Variants in AOPEP observed in about 807,000 individuals in gnomAD.
The protein encoded by AOPEP is aminopeptidase O.
In AOPEP, 77 loss-of-function variants were observed where a neutral mutation model predicts 98.1. The ratio of observed to expected loss-of-function variants is 0.78; its 90% confidence interval spans 0.65 to 0.95. The LOEUF is 0.95. Among genes scored for constraint, AOPEP ranks in the 40% least tolerant of loss-of-function variants. The pLI is 0.00. For synonymous variants in AOPEP, 346 were observed against 365.3 expected (o/e 0.95, Z 0.60); for missense variants, 1,024 against 1,024.7 (o/e 1.00, Z 0.01).
chr9:94,862,677 G>A (rs906063998), intron 5 of AOPEP, among the ~76,000 whole-genome samples: 1 of 152,154 alleles, frequency 6.6e-6, no homozygotes. Flanking sequence ...CGTCCTCCCT[G>A]TTTTTGGTTT....
At chr9:94,880,390 A>T (rs2047441701) in intron 5 of AOPEP, among the ~76,000 whole-genome samples, 2 of 135,222 alleles carry the variant, frequency 1.5e-5, no homozygotes, top group Middle Eastern at 4.5e-3. Flanking sequence ...TTTTTTAGAC[A>T]GGGTCTCTCT....
At chr9:94,913,948 C>A (rs2052439549) in intron 5 of AOPEP, among the ~76,000 whole-genome samples, 1 of 152,192 alleles carries the variant, frequency 6.6e-6, no homozygotes, top group African/African-American at 2.4e-5. Flanking sequence ...TGGAATTTGT[C>A]TGATCAACCT....
At chr9:95,004,734 C>T (rs1184799231) in intron 11 of AOPEP, among the ~76,000 whole-genome samples, 16 of 109,656 alleles carry the variant, frequency 1.5e-4, no homozygotes, top group Non-Finnish European at 1.9e-5. Flanking sequence ...GCAAGGTGCG[C>T]GGGGGCGCGG....
chr9:94,996,560 G>A (rs992849315), intron 11 of AOPEP, among the ~76,000 whole-genome samples: 4 of 152,068 alleles, frequency 2.6e-5, no homozygotes, highest in South Asian at 2.1e-4. Flanking sequence ...CTCCCATCAC[G>A]TCCCCTCCTT....
chr9:95,085,817 A>C (rs1587985098), intron 16 of AOPEP: 2 of 987,226 alleles, frequency 2.0e-6, no homozygotes, highest in Non-Finnish European at 2.6e-6. Flanking sequence ...CAAATGCATC[A>C]CCTAAGTCGT....
chr9:95,116,111 G>A, the AOPEP span, among the ~76,000 whole-genome samples: 6 of 152,220 alleles, frequency 3.9e-5, no homozygotes, highest in Admixed American at 2.0e-4. Context: ...AAGGTAAAGG[G>A]TTGGGCCCAT....
At chr9:95,092,567 AAGC>A in the AOPEP span, among the ~76,000 whole-genome samples, 1 of 152,068 alleles carries the variant, frequency 6.6e-6, no homozygotes, top group African/African-American at 2.4e-5. Flanking sequence ...CCATTTTCTT[AAGC>A]TTTCTTTGTG....
At chr9:94,787,499 C>T (rs1231701993) in intron 3 of AOPEP, among the ~76,000 whole-genome samples, 1 of 152,194 alleles carries the variant, frequency 6.6e-6, no homozygotes, top group Non-Finnish European at 1.5e-5. Flanking sequence ...AAGAACCAGA[C>T]AGGCAGCAAG....
intron 7 of AOPEP, among the ~76,000 whole-genome samples, chr9:94,942,477 C>T (rs867878619): frequency 5.3e-5 from 8 of 152,172 alleles, no homozygotes; most frequent in Non-Finnish European, 8.8e-5. Context: ...ATCTGCTTTA[C>T]AGGAGTTCTT....
intron 5 of AOPEP, among the ~76,000 whole-genome samples, chr9:94,878,402 G>A (rs1189667724): frequency 1.3e-5 from 2 of 151,164 alleles, no homozygotes; most frequent in African/African-American, 4.9e-5. Flanking sequence ...ACTTGGTGTG[G>A]TCCTTTCCAA....
intron 1 of AOPEP, among the ~76,000 whole-genome samples, chr9:94,753,260 G>C (rs1005108249): frequency 2.0e-5 from 3 of 152,160 alleles, no homozygotes; most frequent in Non-Finnish European, 4.4e-5. Context: ...ATTATCAGGA[G>C]TAAGGAAGCT....
intron 8 of AOPEP, 49 bp from the exon 9 acceptor site, chr9:94,955,859 A>G (rs375167028): frequency 4.7e-5 from 63 of 1,329,610 alleles, no homozygotes; most frequent in Non-Finnish European, 6.6e-5. Context: ...CCATTTTTTT[A>G]TGAACTCATG....
At position 95,035,814 on chromosome 9, in the gene AOPEP, C is replaced by T. The variant is rs144894406; in HGVS notation, c.2116-24880C>T. Among the ~76,000 whole-genome samples, 408 of 151,576 alleles carry T rather than the reference C, an allele frequency of 2.7e-3. 2 individuals are homozygous for T. The highest frequency in any genetic ancestry group is 9.0e-3 in the African/African-American group (369 of 41,072). Reference sequence around the variant, plus strand: ...GGGATTACAGGCATGAGCCACTGCGCCCAGCCCAGATAATTTTTTTTTTTT... The same window carrying T: ...GGGATTACAGGCATGAGCCACTGCGTCCAGCCCAGATAATTTTTTTTTTTT... On this transcript the variant is annotated intron_variant, in intron 13 of 16. Transcript: ENST00000375315.
chr9:94,999,027 C>T (rs961476568), intron 11 of AOPEP, among the ~76,000 whole-genome samples: 1 of 152,080 alleles, frequency 6.6e-6, no homozygotes, highest in Non-Finnish European at 1.5e-5. Flanking sequence ...AACAGTCATA[C>T]ATCCTTAACT....
intron 1 of AOPEP, among the ~76,000 whole-genome samples, chr9:94,730,352 CAG>C (rs1233493783): frequency 7.0e-6 from 1 of 142,612 alleles, no homozygotes; most frequent in Non-Finnish European, 1.5e-5. Flanking sequence ...ATTTTATAAA[CAG>C]ATTAATATCA....
At chr9:95,069,332 A>ATGG (rs2068241111) in intron 14 of AOPEP, among the ~76,000 whole-genome samples, 1 of 152,236 alleles carries the variant, frequency 6.6e-6, no homozygotes, top group South Asian at 2.1e-4. Flanking sequence ...GGAGGTAACG[A>ATGG]TGGTCACTGT....
chr9:94,927,718 A>G (rs1182586288), intron 6 of AOPEP, among the ~76,000 whole-genome samples: 4 of 152,210 alleles, frequency 2.6e-5, no homozygotes, highest in African/African-American at 9.6e-5. Flanking sequence ...TAATGTCCCC[A>G]TGGCCTAGCA....
intron 5 of AOPEP, among the ~76,000 whole-genome samples, chr9:94,848,879 C>T (rs137970152): frequency 1.4e-4 from 22 of 152,248 alleles, no homozygotes; most frequent in Middle Eastern, 6.8e-3. Flanking sequence ...TGGGTTCAAG[C>T]GATTCTCCTG....
At chr9:95,101,011 A>C in the AOPEP span, 1 of 233,500 alleles carries the variant, frequency 4.3e-6, no homozygotes, top group Non-Finnish European at 8.4e-6. Flanking sequence ...CCTGCCTTCT[A>C]ATGTTTCTGG....
Sources: gnomAD v4.1 joint callset for allele counts (sites outside exome capture counted in the v4.1 genomes callset) on GRCh38, gnomAD v4.1.1 for gene constraint, MANE v1.5 for transcripts, NCBI Gene and HGNC (gene_info 2026-07-23, HGNC 2026-07-21) for gene names.